Variants in FHIT observed in about 807,000 individuals in gnomAD.
FHIT encodes fragile histidine triad diadenosine triphosphatase, also known as bis(5'-adenosyl)-triphosphatase.
FHIT carries 19 observed loss-of-function variants against 17.9 expected under a neutral mutation model. The observed-to-expected ratio is 1.06, with a 90% CI of 0.74 to 1.56. FHIT has a LOEUF of 1.56. Ranked by LOEUF, FHIT falls within the 40% of genes most tolerant of loss-of-function variation. FHIT has a pLI of 0.00. For missense variants in FHIT, 248 were observed against 189.2 expected, an observed-to-expected ratio of 1.31 and a Z score of -1.82; for synonymous variants, 81 against 69.7, an observed-to-expected ratio of 1.16 and a Z score of -0.81.
intron 8 of FHIT, among the ~76,000 whole-genome samples, chr3:59,915,768 G>C (rs1186808888): frequency 6.6e-6 from 1 of 152,004 alleles, no homozygotes; most frequent in South Asian, 2.1e-4. Context: ...TGCGAGACCT[G>C]TCTCTACAAA....
chr3:60,014,062 A>C lies in FHIT; in HGVS notation c.194T>G (p.Val65Gly). The C allele has an allele frequency of 1.9e-6, 3 of 1,613,840 alleles. No individual in the cohort carries two copies. The highest frequency in any genetic ancestry group is 2.5e-6 in the Non-Finnish European group (3 of 1,179,920). The stretch of plus-strand genomic sequence containing the variant: ...GAAATGTTTTTCCACCACTGTCCCG[A>C]CTCTCTGGGTCGTCTGAAACAAATC... ...VADLFQTTQR[V>G]GTVVEKHFHG... The change falls in exon 6 of 10, where the codon GTC becomes GGC. Residue 65 changes from valine to glycine, a missense_variant. Coordinates refer to ENST00000492590, the MANE Select transcript of FHIT (RefSeq NM_002012.4).
At chr3:60,845,636 A>G (rs1284670865) in intron 3 of FHIT, among the ~76,000 whole-genome samples, 2 of 152,164 alleles carry the variant, frequency 1.3e-5, no homozygotes, top group Non-Finnish European at 2.9e-5. Context: ...TTTAGGTTAT[A>G]CAAATATCCT....
intron 5 of FHIT, among the ~76,000 whole-genome samples, chr3:60,300,768 T>G (rs1708428101): frequency 6.6e-6 from 1 of 152,124 alleles, no homozygotes; most frequent in African/African-American, 2.4e-5. Context: ...GTGCACAAAC[T>G]AGAAATATGG....
intron 7 of FHIT, among the ~76,000 whole-genome samples, chr3:59,926,123 A>C (rs930134038): frequency 6.6e-6 from 1 of 152,180 alleles, no homozygotes; most frequent in Non-Finnish European, 1.5e-5. Flanking sequence ...TTCCACACCA[A>C]AAATGTTTTC....
intron 2 of FHIT, among the ~76,000 whole-genome samples, chr3:61,055,328 C>T (rs1219569419): frequency 1.3e-5 from 2 of 152,142 alleles, no homozygotes; most frequent in Non-Finnish European, 2.9e-5. Flanking sequence ...AAAGGTAATA[C>T]AGTGCTCATT....
At chr3:59,772,445 CTT>C (rs1396988221) in intron 8 of FHIT, among the ~76,000 whole-genome samples, 1 of 152,212 alleles carries the variant, frequency 6.6e-6, no homozygotes, top group Non-Finnish European at 1.5e-5. Context: ...GTTTTAAACA[CTT>C]TACATTTATT....
intron 3 of FHIT, among the ~76,000 whole-genome samples, chr3:60,869,554 A>G (rs1704311485): frequency 6.6e-6 from 1 of 152,220 alleles, no homozygotes; most frequent in African/African-American, 2.4e-5. Context: ...CAAATTTCAG[A>G]AAGTGAGACC....
rs533255957 is a variant in FHIT at position 60,081,309 on chromosome 3, C to T, written c.104-67157G>A. Among the ~76,000 whole-genome samples the T allele has an allele frequency of 5.8e-4, 88 of 152,066 alleles. 1 individual carries two copies. The highest frequency in any genetic ancestry group is 5.1e-3 in the Admixed American group (78 of 15,256). ...TTAAAATTTAAGATCAGACCACTCC[C>T]TAAATCCAAGGGTGCTATTTTACTG... On this transcript the variant is annotated intron_variant, in intron 5 of 9. Coordinates refer to ENST00000492590, the MANE Select transcript of FHIT (RefSeq NM_002012.4).
intron 5 of FHIT, among the ~76,000 whole-genome samples, chr3:60,432,953 T>A (rs2107301904): frequency 6.6e-6 from 1 of 151,466 alleles, no homozygotes; most frequent in South Asian, 2.1e-4. Context: ...TTAAGATACA[T>A]ACTCTTAAGA....
At chr3:60,792,281 T>C (rs1489246018) in intron 4 of FHIT, among the ~76,000 whole-genome samples, 11 of 152,238 alleles carry the variant, frequency 7.2e-5, no homozygotes, top group African/African-American at 2.7e-4. Flanking sequence ...AGTGTGTATG[T>C]GTGTTATGCT....
chr3:60,009,990 A>C (rs984739452), intron 7 of FHIT, among the ~76,000 whole-genome samples: 15 of 152,316 alleles, frequency 9.8e-5, no homozygotes, highest in Non-Finnish European at 2.2e-4. Context: ...CACTTAATAC[A>C]GTTTGTGCAT....
chr3:60,728,521 C>T (rs1553710205), intron 4 of FHIT, among the ~76,000 whole-genome samples: 2 of 152,080 alleles, frequency 1.3e-5, no homozygotes. Flanking sequence ...TTCTACTACC[C>T]TCTTTGCTCT....
intron 4 of FHIT, among the ~76,000 whole-genome samples, chr3:60,701,394 G>A (rs535056362): frequency 4.6e-5 from 7 of 152,188 alleles, no homozygotes; most frequent in South Asian, 2.1e-4. Flanking sequence ...TATGGGAGAC[G>A]GGAGTTTTAT....
chr3:61,114,147 C>T (rs111579131), intron 2 of FHIT, among the ~76,000 whole-genome samples: 2,719 of 152,196 alleles, frequency 0.018, 87 homozygotes, highest in African/African-American at 0.062. Flanking sequence ...TTTCCATTCT[C>T]TATTTATATT....
At chr3:59,763,487 C>T (rs1701634756) in intron 8 of FHIT, among the ~76,000 whole-genome samples, 1 of 152,198 alleles carries the variant, frequency 6.6e-6, no homozygotes, top group South Asian at 2.1e-4. Context: ...GATCCCCAAG[C>T]ATTTAAAGCT....
At chr3:60,336,958 A>G (rs758004752) in intron 5 of FHIT, among the ~76,000 whole-genome samples, 10 of 152,060 alleles carry the variant, frequency 6.6e-5, no homozygotes, top group East Asian at 1.9e-4. Flanking sequence ...GAAGATGTAG[A>G]CAGAGAGAAA....
At chr3:60,066,840 T>G (rs1432571209) in intron 5 of FHIT, among the ~76,000 whole-genome samples, 1 of 151,842 alleles carries the variant, frequency 6.6e-6, no homozygotes, top group African/African-American at 2.4e-5. Flanking sequence ...ATATTTTTAG[T>G]AGAGACGGGG....
intron 5 of FHIT, among the ~76,000 whole-genome samples, chr3:60,031,149 G>C (rs1015945393): frequency 2.0e-5 from 3 of 152,192 alleles, no homozygotes; most frequent in African/African-American, 7.2e-5. Flanking sequence ...GAGAAATGTT[G>C]TTTCTACAAA....
At chr3:60,995,616 G>C (rs968142568) in intron 3 of FHIT, among the ~76,000 whole-genome samples, 8 of 152,164 alleles carry the variant, frequency 5.3e-5, no homozygotes, top group Non-Finnish European at 1.0e-4. Context: ...AGCTGCAAAA[G>C]CACAAGGACT....
Sources: gnomAD v4.1 joint callset for allele counts (sites outside exome capture counted in the v4.1 genomes callset) on GRCh38, gnomAD v4.1.1 for gene constraint, MANE v1.5 for transcripts, NCBI Gene and HGNC (gene_info 2026-07-23, HGNC 2026-07-21) for gene names.